Variants in MYO1H observed in about 807,000 individuals in gnomAD.
MYO1H encodes myosin IH.
MYO1H carries 118 observed loss-of-function variants against 149.3 expected under a neutral mutation model. The ratio of observed to expected loss-of-function variants is 0.79; its 90% confidence interval spans 0.68 to 0.92. The LOEUF is 0.92. MYO1H is among the 40% of genes least tolerant of loss of function. MYO1H has a pLI of 0.00. For synonymous variants in MYO1H, 447 were observed against 465.2 expected (o/e 0.96, Z 0.50); for missense variants, 1,212 against 1,280.7 (o/e 0.95, Z 0.82).
chr12:109,339,593 C>T, the MYO1H span, among the ~76,000 whole-genome samples: 1 of 152,150 alleles, frequency 6.6e-6, no homozygotes, highest in Non-Finnish European at 1.5e-5. Context: ...TTATTTGCAG[C>T]ACATGACAAA....
chr12:109,314,737 C>T, the MYO1H span, among the ~76,000 whole-genome samples: 5 of 152,284 alleles, frequency 3.3e-5, no homozygotes, highest in African/African-American at 1.2e-4. Flanking sequence ...CAACAGGCAA[C>T]AGCTATGTTT....
At chr12:109,341,406 A>G in the MYO1H span, among the ~76,000 whole-genome samples, 2 of 152,202 alleles carry the variant, frequency 1.3e-5, no homozygotes, top group African/African-American at 4.8e-5. Context: ...TCTGCAAAAA[A>G]TCAGATAAAA....
At chr12:109,409,075 G>C (rs980747164) in intron 10 of MYO1H, among the ~76,000 whole-genome samples, 1 of 152,122 alleles carries the variant, frequency 6.6e-6, no homozygotes, top group Admixed American at 6.5e-5. Flanking sequence ...GCAGGCGTGA[G>C]CCACCACGCC....
At chr12:109,351,446 A>C (rs1868459306) in intron 1 of MYO1H, among the ~76,000 whole-genome samples, 1 of 152,246 alleles carries the variant, frequency 6.6e-6, no homozygotes, top group Non-Finnish European at 1.5e-5. Context: ...CAATATTTTA[A>C]GGTAACTTCC....
At chr12:109,384,913 A>G (rs967000221) in intron 1 of MYO1H, among the ~76,000 whole-genome samples, 6 of 152,156 alleles carry the variant, frequency 3.9e-5, no homozygotes, top group Admixed American at 3.3e-4. Context: ...CCCACCTCCA[A>G]TTTAATAGAG....
Position 109,443,103 on chromosome 12 carries a change from C to T in MYO1H, c.2689-411C>T, listed in dbSNP as rs192528723. On this transcript the variant is annotated intron_variant, in intron 27 of 31. Transcript: ENST00000310903. ...GTACGTATGTGTGTATATATGTGTA[C>T]GTATATGTGTGTATATGTGTACGTA... 4.0e-3 allele frequency among the ~76,000 whole-genome samples: 255 copies of T among 64,290 alleles called. 21 individuals carry two copies. Among genetic ancestry groups the T allele is most frequent in the East Asian group, 4.2e-3 (11 of 2,640 alleles). 42.2% of individuals were successfully genotyped at this position (64,290 alleles called of 152,430 possible).
At position 109,443,520 on chromosome 12, in the gene MYO1H, G is replaced by A. The variant is rs776578061; in HGVS notation, c.2695G>A (p.Val899Ile). 3 of 1,613,524 alleles carry A rather than the reference G, an allele frequency of 1.9e-6. No individual in the cohort carries two copies. The highest frequency in any genetic ancestry group is 3.3e-5 in the Admixed American group (2 of 59,972). Residue 899 changes from valine to isoleucine, a missense_variant, in exon 28 of 32, where the codon GTC (valine) becomes ATC (isoleucine). Transcript: ENST00000310903. Reference sequence around the variant, plus strand: ...AGTCACCTTCCCCTTGCAGTATGGTGTCCCGGTCATTAAATATGACAGAAA... The same window carrying A: ...AGTCACCTTCCCCTTGCAGTATGGTATCCCGGTCATTAAATATGACAGAAA...
At chr12:109,330,638 C>A in the MYO1H span, among the ~76,000 whole-genome samples, 1 of 152,126 alleles carries the variant, frequency 6.6e-6, no homozygotes, top group African/African-American at 2.4e-5. Flanking sequence ...AACCATCAGT[C>A]CTCATTATCT....
chr12:109,416,378 G>GTTTTTT (rs771334177), intron 15 of MYO1H, among the ~76,000 whole-genome samples: 4,587 of 135,064 alleles, frequency 0.034, 295 homozygotes, highest in African/African-American at 0.12. Flanking sequence ...TGTTGTTGTT[G>GTTTTTT]GTTTTTTTTT....
the MYO1H span, among the ~76,000 whole-genome samples, chr12:109,326,307 A>G: frequency 2.0e-5 from 3 of 151,884 alleles, no homozygotes; most frequent in Non-Finnish European, 4.4e-5. Flanking sequence ...GCTGTCTGTC[A>G]TCCCTTCTTG....
chr12:109,332,414 A>G, the MYO1H span, among the ~76,000 whole-genome samples: 1 of 152,062 alleles, frequency 6.6e-6, no homozygotes, highest in Non-Finnish European at 1.5e-5. Context: ...CTTCAGACAC[A>G]AGCTCTTCTG....
the MYO1H span, among the ~76,000 whole-genome samples, chr12:109,310,707 T>C: frequency 6.6e-6 from 1 of 152,196 alleles, no homozygotes; most frequent in Non-Finnish European, 1.5e-5. Context: ...TCAGGTGGGC[T>C]GTGACCTTGG....
intron 4 of MYO1H, among the ~76,000 whole-genome samples, chr12:109,397,194 A>G (rs190238540): frequency 1.2e-4 from 19 of 152,280 alleles, no homozygotes; most frequent in Non-Finnish European, 1.0e-4. Context: ...AGGAAGCACC[A>G]AAAATAATGT....
At position 109,397,722 on chromosome 12, in the gene MYO1H, G is replaced by A. The variant is rs745788019; in HGVS notation, c.490-10G>A. 1.9e-6 allele frequency: 3 copies of A among 1,606,694 alleles called. No homozygotes were observed. Among genetic ancestry groups the A allele is most frequent in the Non-Finnish European group, 2.6e-6 (3 of 1,176,362 alleles). ...CTTAAATGACAGTGAATGACACTTT[G>A]TATTCCAAGGCTTTTGGAAATGCCA... On this transcript the variant is annotated splice_polypyrimidine_tract_variant and intron_variant, in intron 4 of 31. Coordinates refer to ENST00000310903, the Ensembl canonical transcript of MYO1H.
chr12:109,430,390 C>A (rs548138297), intron 19 of MYO1H, among the ~76,000 whole-genome samples: 6 of 152,298 alleles, frequency 3.9e-5, no homozygotes, highest in Admixed American at 3.9e-4. Context: ...TAGGGCCTCT[C>A]CCCAGCCCCT....
intron 2 of MYO1H, among the ~76,000 whole-genome samples, chr12:109,389,441 T>A (rs1437091377): frequency 2.6e-5 from 4 of 151,894 alleles, no homozygotes; most frequent in Admixed American, 6.6e-5. Flanking sequence ...CCCTGGACGG[T>A]ATAGGCAGAG....
intron 1 of MYO1H, 97 bp from the exon 2 acceptor site, chr12:109,388,586 T>C: frequency 8.8e-7 from 1 of 1,139,784 alleles, no homozygotes; most frequent in Non-Finnish European, 1.2e-6. Flanking sequence ...GGCTCTCTAC[T>C]ATCCCAGGGT....
Position 109,425,928 on chromosome 12 carries a change from T to TTCTCTC in MYO1H, c.1726-10_1726-5dup. 2 of 1,404,268 alleles carry TTCTCTC rather than the reference T, an allele frequency of 1.4e-6. No homozygotes were observed. The highest frequency in any genetic ancestry group is 2.9e-5 in the African/African-American group (2 of 69,744). 87.0% of individuals were successfully genotyped at this position (1,404,268 alleles called of 1,614,324 possible). On this transcript the variant is annotated splice_polypyrimidine_tract_variant and intron_variant, in intron 17 of 31. Transcript: ENST00000310903. ...TCTCTCTGGCTCGTTCTCTCTCTCT[T>TTCTCTC]TCTCTCTCTCTCTGCAGGTGGGGAC...
chr12:109,378,845 A>G (rs568893251), intron 1 of MYO1H, among the ~76,000 whole-genome samples: 24 of 152,200 alleles, frequency 1.6e-4, no homozygotes, highest in African/African-American at 5.8e-4. Flanking sequence ...TGTGGTTTTG[A>G]GTTGCATTTT....
Sources: gnomAD v4.1 joint callset for allele counts (sites outside exome capture counted in the v4.1 genomes callset) on GRCh38, gnomAD v4.1.1 for gene constraint, MANE v1.5 for transcripts, NCBI Gene and HGNC (gene_info 2026-07-23, HGNC 2026-07-21) for gene names.